SLC38A9: variants seen among roughly 807,000 people sequenced by gnomAD.
The protein encoded by SLC38A9 is solute carrier family 38 member 9, also known as neutral amino acid transporter 9.
SLC38A9 carries 48 observed loss-of-function variants against 62.3 expected under a neutral mutation model. The ratio of observed to expected loss-of-function variants is 0.77; its 90% CI spans 0.61 to 0.98. The LOEUF is 0.98. Ranked by LOEUF, SLC38A9 falls within the 50% of genes least tolerant of loss-of-function variation. The pLI, the probability that SLC38A9 is intolerant of heterozygous loss-of-function variation, is 0.00. For missense variants in SLC38A9, 541 were observed against 679.8 expected, an observed-to-expected ratio of 0.80 and a Z score of 2.27; for synonymous variants, 204 against 227.7, an observed-to-expected ratio of 0.90 and a Z score of 0.94.
At chr5:55,631,125 C>T (rs1194369284) in intron 14 of SLC38A9, among the ~76,000 whole-genome samples, 3 of 152,056 alleles carry the variant, frequency 2.0e-5, no homozygotes, top group African/African-American at 4.8e-5. Flanking sequence ...AAGAGTGAAA[C>T]TCCGTCTCAA....
At chr5:55,634,120 C>A (rs925916415) in intron 13 of SLC38A9, 3 of 375,792 alleles carry the variant, frequency 8.0e-6, no homozygotes, top group Admixed American at 8.7e-5. Flanking sequence ...GACATTGCCA[C>A]AATTTTATTC....
At chr5:55,676,799 T>A (rs1399616186) in intron 3 of SLC38A9, among the ~76,000 whole-genome samples, 1 of 151,996 alleles carries the variant, frequency 6.6e-6, no homozygotes, top group Non-Finnish European at 1.5e-5. Flanking sequence ...ACTTAATTTA[T>A]CTCCCTTCAA....
At chr5:55,678,645 C>CTTTTTT (rs869297949) in intron 3 of SLC38A9, among the ~76,000 whole-genome samples, 1 of 45,798 alleles carries the variant, frequency 2.2e-5, no homozygotes, top group Admixed American at 3.0e-4. Flanking sequence ...CTGAAATGAA[C>CTTTTTT]TTTTTTTTTT....
intron 10 of SLC38A9, among the ~76,000 whole-genome samples, 151 bp downstream of exon 10, chr5:55,652,376 AAG>A (rs1747670720): frequency 6.7e-6 from 1 of 149,832 alleles, no homozygotes; most frequent in Non-Finnish European, 1.5e-5. Context: ...AAAAAAAAAA[AAG>A]AAAGAAAGAA....
intron 8 of SLC38A9, among the ~76,000 whole-genome samples, chr5:55,662,150 T>G (rs1264024498): frequency 6.6e-6 from 1 of 152,200 alleles, no homozygotes; most frequent in Non-Finnish European, 1.5e-5. Context: ...GGTCCATAAC[T>G]TGGAGAAATT....
chr5:55,693,001 G>C, intron 3 of SLC38A9: 1 of 984,128 alleles, frequency 1.0e-6, no homozygotes, highest in Non-Finnish European at 1.2e-6. Context: ...AAGTATGTGC[G>C]AATGAAAATA....
At chr5:55,704,490 A>G in intron 2 of SLC38A9, 1 of 152,226 alleles carries the variant, frequency 6.6e-6, no homozygotes, top group East Asian at 1.9e-4. Flanking sequence ...AGCATTTAGA[A>G]AAATGTCAAA....
chr5:55,695,299 T>G (rs1449870222), intron 3 of SLC38A9, among the ~76,000 whole-genome samples: 1 of 148,728 alleles, frequency 6.7e-6, no homozygotes, highest in Non-Finnish European at 1.5e-5. Flanking sequence ...TGATCATTCT[T>G]GGGTGTTTCT....
intron 12 of SLC38A9, among the ~76,000 whole-genome samples, chr5:55,645,299 C>T (rs1207965738): frequency 2.0e-5 from 3 of 152,184 alleles, no homozygotes; most frequent in Non-Finnish European, 4.4e-5. Context: ...AAGTGATCTT[C>T]CTGCCTCGGA....
At chr5:55,635,246 T>C (rs1744158259) in intron 13 of SLC38A9, 1 of 367,438 alleles carries the variant, frequency 2.7e-6, no homozygotes, top group South Asian at 3.0e-5. Context: ...AAGAGAAATA[T>C]ATGTACATAA....
At chr5:55,681,144 C>A (rs941206149) in intron 3 of SLC38A9, among the ~76,000 whole-genome samples, 29 of 152,134 alleles carry the variant, frequency 1.9e-4, no homozygotes, top group Admixed American at 1.1e-3. Context: ...ATATTACGAA[C>A]CTTAATTCTG....
At chr5:55,685,995 G>A (rs769599123) in intron 3 of SLC38A9, among the ~76,000 whole-genome samples, 1 of 152,060 alleles carries the variant, frequency 6.6e-6, no homozygotes, top group Non-Finnish European at 1.5e-5. Context: ...AGCATTGAAT[G>A]GTGTATGCAT....
chr5:55,671,635 G>T (rs1580278033), intron 4 of SLC38A9, among the ~76,000 whole-genome samples: 1 of 151,942 alleles, frequency 6.6e-6, no homozygotes, highest in South Asian at 2.1e-4. Flanking sequence ...GGGTCACGAG[G>T]TCAGGAGTTC....
At chr5:55,691,372 T>G in intron 3 of SLC38A9, 1 of 1,377,518 alleles carries the variant, frequency 7.3e-7, no homozygotes, top group Non-Finnish European at 9.4e-7. Context: ...GCCTAAGGGG[T>G]TAAGTCTGAG....
intron 3 of SLC38A9, chr5:55,673,272 C>G (rs1259368495): frequency 6.6e-6 from 1 of 152,210 alleles, no homozygotes; most frequent in East Asian, 1.9e-4. Flanking sequence ...TATTTTGCCT[C>G]ATTCTACTTT....
At chr5:55,700,142 A>G (rs1443695078) in intron 2 of SLC38A9, among the ~76,000 whole-genome samples, 1 of 152,012 alleles carries the variant, frequency 6.6e-6, no homozygotes, top group African/African-American at 2.4e-5. Flanking sequence ...GGAATTCGAG[A>G]CCTGCCTGGC....
intron 15 of SLC38A9, among the ~76,000 whole-genome samples, chr5:55,627,218 T>C (rs925185925): frequency 6.6e-5 from 10 of 152,192 alleles, no homozygotes; most frequent in Non-Finnish European, 1.5e-4. Flanking sequence ...TTATATTCAA[T>C]AAGCATCAGG....
Position 55,691,861 on chromosome 5 carries a change from A to G in SLC38A9, c.113+5985T>C, listed in dbSNP as rs1253586093. Among the ~76,000 whole-genome samples the G allele has an allele frequency of 1.3e-5, 2 of 152,204 alleles. 1 individual carries two copies. The highest frequency in any genetic ancestry group is 3.8e-4 in the East Asian group (2 of 5,198). The stretch of plus-strand genomic sequence containing the variant: ...GAAAAAGCCCCCCAAATGACTTGAC[A>G]TATATTATTCCCCTATAACAACAAG... On this transcript the variant is annotated intron_variant, in intron 3 of 15. Transcript: ENST00000396865.
In SLC38A9 at chr5:55,632,643, A is replaced by C. The variant is rs1322951135; in HGVS notation, c.1430+1111T>G. On this transcript the variant is annotated intron_variant, in intron 14 of 15. Coordinates refer to ENST00000396865, the MANE Select transcript of SLC38A9 (RefSeq NM_173514.4). ...CCTCTTCCCCAAAGTGGAACATGGA[A>C]ACCTTTTCCCTCAAGCTGGCCGTAA... is the stretch of plus-strand genomic sequence containing the variant. Among the ~76,000 whole-genome samples, 3 of 152,160 alleles carry C rather than the reference A, an allele frequency of 2.0e-5. No homozygotes were observed. In the East Asian group the frequency reaches 5.8e-4, roughly 29 times the overall value.
Sources: gnomAD v4.1 joint callset for allele counts (sites outside exome capture counted in the v4.1 genomes callset) on GRCh38, gnomAD v4.1.1 for gene constraint, MANE v1.5 for transcripts, NCBI Gene and HGNC (gene_info 2026-07-23, HGNC 2026-07-21) for gene names.